Variants in ZNF470 observed in about 807,000 individuals in gnomAD.
ZNF470 encodes the protein chondrogenesis zinc finger protein 1.
A neutral mutation model predicts 13.9 loss-of-function variants in ZNF470; 13 were observed. The observed-to-expected ratio is 0.94, with a 90% CI of 0.61 to 1.49. ZNF470 has a LOEUF of 1.49. Ranked by LOEUF, ZNF470 falls within the 40% of genes most tolerant of loss-of-function variation. The probability of loss-of-function intolerance (pLI) is 0.00; values close to 1 mark genes in which losing one functional copy is unlikely to be tolerated. For synonymous variants in ZNF470, 293 were observed against 282.9 expected, an observed-to-expected ratio of 1.04 and a Z score of -0.36; for missense variants, 929 against 857.3, an observed-to-expected ratio of 1.08 and a Z score of -1.04.
Position 56,576,101 on chromosome 19 carries a change from A to G in ZNF470, c.284-612A>G, listed in dbSNP as rs115997425. 1.5e-3 allele frequency among the ~76,000 whole-genome samples: 232 copies of G among 152,326 alleles called. 1 individual carries two copies. The highest frequency in any genetic ancestry group is 4.6e-3 in the African/African-American group (192 of 41,586). On this transcript the variant is annotated intron_variant, in intron 5 of 5. Transcript: ENST00000330619. ...AATAATTATAAATAACCACACATGC[A>G]TAAGAACTTAAAAGAATCATGTGAA...
Position 56,580,991 on chromosome 19 carries a change from T to A in ZNF470, c.*2408T>A. Reference sequence around the variant, plus strand: ...AGTACATGAAAAACAGAATAATATATATGTACCCTCGGTTTGAAATAGACT... The same window carrying A: ...AGTACATGAAAAACAGAATAATATAAATGTACCCTCGGTTTGAAATAGACT... On this transcript the variant is annotated 3_prime_UTR_variant, in exon 6 of 6. Transcript: ENST00000330619. 8.1e-6 allele frequency: 8 copies of A among 984,840 alleles called. No homozygotes were observed. The highest frequency in any genetic ancestry group is 9.6e-6 in the Non-Finnish European group (8 of 829,442). The allele number at this position is 984,840 out of a possible 1,614,324, so 61.0% of individuals were successfully genotyped here.
Position 56,577,956 on chromosome 19 carries a change from T to C in ZNF470, c.1527T>C (p.Tyr509=), listed in dbSNP as rs1413471016. 1 of 1,613,974 alleles carries C rather than the reference T, an allele frequency of 6.2e-7. No individual in the cohort carries two copies. The highest frequency in any genetic ancestry group is 2.2e-5 in the East Asian group (1 of 44,888). The change falls in exon 6 of 6, where the codon TAT becomes TAC. Residue 509 remains tyrosine (Y), a synonymous_variant. Transcript: ENST00000330619. ...GAATTCATACTGGAGAGAAACCTTA[T>C]GAATGTAAGGAATGCAGCAAAACCT... ...HQRIHTGEKP[Y]ECKECSKTFS...
chr19:56,577,742 C>T lies in ZNF470; in HGVS notation c.1313C>T (p.Ser438Leu), dbSNP rs761964508. 12 of 1,613,576 alleles carry T rather than the reference C, an allele frequency of 7.4e-6. No homozygotes were observed. Among genetic ancestry groups the T allele is most frequent in the Non-Finnish European group, 1.0e-5 (12 of 1,179,644 alleles). ...NVCGKAFSHG[S>L]SLTVHQRIHT... ...TGTGGGAAGGCTTTTAGCCATGGCT[C>T]ATCTCTGACAGTACATCAGAGAATT... The change falls in exon 6 of 6, where the codon TCA becomes TTA. Residue 438 changes from serine to leucine, a missense_variant. Coordinates refer to ENST00000330619, the MANE Select transcript of ZNF470 (RefSeq NM_001001668.4).
chr19:56,578,315 C>G lies in ZNF470; in HGVS notation c.1886C>G (p.Ala629Gly). The change falls in exon 6 of 6, where the codon GCC becomes GGC. Residue 629 changes from alanine to glycine, a missense_variant. By Grantham distance (60) the Ala-to-Gly change is moderately conservative (BLOSUM62 0). Transcript: ENST00000330619. Reference sequence around the variant, plus strand: ...TATGAATGTAATGTTTGTGGGAAAGCCTTTAGCCATCGTAAATCCCTTACT... The same window carrying G: ...TATGAATGTAATGTTTGTGGGAAAGGCTTTAGCCATCGTAAATCCCTTACT... Reference protein sequence around the residue: ...KPYECNVCGKAFSHRKSLTLH... With the variant: ...KPYECNVCGKGFSHRKSLTLH... 1 of 1,613,002 alleles carries G rather than the reference C, an allele frequency of 6.2e-7. No homozygotes were observed. The highest frequency in any genetic ancestry group is 8.5e-7 in the Non-Finnish European group (1 of 1,179,458).
Position 56,581,893 on chromosome 19 carries a change from A to G in ZNF470, c.*3310A>G. On this transcript the variant is annotated 3_prime_UTR_variant, in exon 6 of 6. Transcript: ENST00000330619. ...CAACTCCCTAAAAGCTGATGCAGTT[A>G]TTCTTTTGATTGGTCCTTGGAACCA... The G allele has an allele frequency of 2.0e-6, 2 of 985,386 alleles. No individual in the cohort carries two copies. The highest frequency in any genetic ancestry group is 2.4e-6 in the Non-Finnish European group (2 of 829,920). 61.0% of individuals were successfully genotyped at this position (985,386 alleles called of 1,614,324 possible). A position where few individuals can be genotyped will look rare whatever the true frequency, so the allele number is the denominator to read the frequency against.
intron 5 of ZNF470, among the ~76,000 whole-genome samples, chr19:56,576,235 TA>T (rs1272646043): frequency 1.3e-5 from 2 of 152,118 alleles, no homozygotes; most frequent in Non-Finnish European, 2.9e-5. Flanking sequence ...ATACAACATT[TA>T]AACAAGTAAG....
chr19:56,568,978 G>A (rs761809301), intron 2 of ZNF470, 95 bp downstream of exon 2: 2 of 152,180 alleles, frequency 1.3e-5, no homozygotes, highest in South Asian at 2.1e-4. Context: ...CACTGAGCAG[G>A]TTTGGGGTTT....
intron 5 of ZNF470, among the ~76,000 whole-genome samples, chr19:56,576,067 C>CA (rs1365418269): frequency 6.6e-6 from 1 of 151,714 alleles, no homozygotes; most frequent in Non-Finnish European, 1.5e-5. Flanking sequence ...AGAGAAAACA[C>CA]AAAAACAAAA....
chr19:56,572,014 T>C (rs982676604), intron 3 of ZNF470, among the ~76,000 whole-genome samples: 3 of 151,942 alleles, frequency 2.0e-5, no homozygotes, highest in Non-Finnish European at 4.4e-5. Context: ...CCAAGGTAAC[T>C]TGTTTCTTAG....
chr19:56,569,849 G>T (rs185812760), intron 2 of ZNF470, among the ~76,000 whole-genome samples: 341 of 152,132 alleles, frequency 2.2e-3, no homozygotes, highest in Non-Finnish European at 3.6e-3. Context: ...AACTAGCTGG[G>T]CATGGTGGCA....
rs775542377 is a variant in ZNF470, at chr19:56,577,156, C to A, written c.727C>A (p.Leu243Ile). ...CEKIFSKIST[L>I]TLHQRIHTGE... ...GAAAATATTCAGCAAAATCTCAACC[C>A]TTACTCTTCACCAAAGAATTCATAC... The change falls in exon 6 of 6, where the codon CTT becomes ATT. Residue 243 changes from leucine to isoleucine, a missense_variant. Physicochemically the swap from Leu to Ile is conservative, Grantham distance 5. Coordinates refer to ENST00000330619, the MANE Select transcript of ZNF470 (RefSeq NM_001001668.4). 6.5e-5 allele frequency: 105 copies of A among 1,613,336 alleles called. No homozygotes were observed. The highest frequency in any genetic ancestry group is 8.3e-5 in the Non-Finnish European group (98 of 1,179,850).
At position 56,577,065 on chromosome 19, in the gene ZNF470, T is replaced by G; in HGVS notation, c.636T>G (p.His212Gln). The change falls in exon 6 of 6, where the codon CAT (histidine) becomes CAG (glutamine). Residue 212 changes from histidine (H) to glutamine (Q), a missense_variant. Coordinates refer to ENST00000330619, the MANE Select transcript of ZNF470 (RefSeq NM_001001668.4). ...FHTDKKSLKT[H>Q]SVVKKHKQDR... ...CAGATAAGAAAAGCTTAAAAACACA[T>G]TCAGTTGTGAAAAAACACAAGCAAG... 6.3e-7 allele frequency: 1 copy of G among 1,593,020 alleles called. No individual in the cohort carries two copies. Among genetic ancestry groups the G allele is most frequent in the Non-Finnish European group, 8.5e-7 (1 of 1,173,934 alleles).
In ZNF470 at chr19:56,580,107, AAG is replaced by A; in HGVS notation, c.*1526_*1527del. 2 of 974,370 alleles carry A rather than the reference AAG, an allele frequency of 2.1e-6. No homozygotes were observed. The highest frequency in any genetic ancestry group is 2.4e-6 in the Non-Finnish European group (2 of 819,904). The allele number at this position is 974,370 out of a possible 1,614,324, so 60.4% of individuals were successfully genotyped here. A position where few individuals can be genotyped will look rare whatever the true frequency, so the allele number is the denominator to read the frequency against. ...TCCCATAAAGAGAAATGATATAAAA[AAG>A]AAGCTAGGGAGTGCTGGATCAGGCA... On this transcript the variant is annotated 3_prime_UTR_variant, in exon 6 of 6. Coordinates refer to ENST00000330619, the MANE Select transcript of ZNF470 (RefSeq NM_001001668.4).
In ZNF470 at chr19:56,567,614, G is replaced by A. The variant is rs1037559480; in HGVS notation, c.-583G>A. 284 of 988,270 alleles carry A rather than the reference G, an allele frequency of 2.9e-4. No homozygotes were observed. The highest frequency in any genetic ancestry group is 3.4e-4 in the Non-Finnish European group (283 of 832,460). The allele number at this position is 988,270 out of a possible 1,614,324, so 61.2% of individuals were successfully genotyped here. A position where few individuals can be genotyped will look rare whatever the true frequency, so the allele number is the denominator to read the frequency against. On this transcript the variant is annotated 5_prime_UTR_variant, in exon 1 of 6. The change creates a new upstream start codon in the 5' untranslated region. Coordinates refer to ENST00000330619, the MANE Select transcript of ZNF470 (RefSeq NM_001001668.4). ...TCCTGTGTGGGCGGCGGGCGTGAGC[G>A]TGCGCGTGTGGCCTGGTGGCTGTGA...
chr19:56,578,934 C>T lies in ZNF470; in HGVS notation c.*351C>T. On this transcript the variant is annotated 3_prime_UTR_variant, in exon 6 of 6. Transcript: ENST00000330619. Reference sequence around the variant, plus strand: ...CATATTAAGCAGCAAGTAAACCAAACAGTAAGTCTAAGACTAAGATTTTAG... The same window carrying T: ...CATATTAAGCAGCAAGTAAACCAAATAGTAAGTCTAAGACTAAGATTTTAG... The T allele has an allele frequency of 2.0e-6, 2 of 1,013,784 alleles. No homozygotes were observed. Among genetic ancestry groups the T allele is most frequent in the Non-Finnish European group, 2.4e-6 (2 of 848,922 alleles). The allele number at this position is 1,013,784 out of a possible 1,614,324, so 62.8% of individuals were successfully genotyped here.
In ZNF470 at chr19:56,578,158, G is replaced by A. The variant is rs776142738; in HGVS notation, c.1729G>A (p.Gly577Ser). The change falls in exon 6 of 6, where the codon GGC becomes AGC. Residue 577 changes from glycine (G) to serine (S), a missense_variant. Coordinates refer to ENST00000330619, the MANE Select transcript of ZNF470 (RefSeq NM_001001668.4). ...TGAATGTGGGAAGGCCTTTAGTGAT[G>A]GCTCATATCTTGTTCAACATCAGAG... ...CIECGKAFSD[G>S]SYLVQHQRLH... 1.5e-5 allele frequency: 25 copies of A among 1,613,744 alleles called. No homozygotes were observed. The highest frequency in any genetic ancestry group is 8.3e-5 in the Admixed American group (5 of 59,956).
Position 56,582,278 on chromosome 19 carries a change from A to G in ZNF470, c.*3695A>G. 1 of 985,378 alleles carries G rather than the reference A, an allele frequency of 1.0e-6. No individual in the cohort carries two copies. Among genetic ancestry groups the G allele is most frequent in the Non-Finnish European group, 1.2e-6 (1 of 829,922 alleles). 61.0% of individuals were successfully genotyped at this position (985,378 alleles called of 1,614,324 possible). On this transcript the variant is annotated 3_prime_UTR_variant, in exon 6 of 6. Transcript: ENST00000330619. ...ATGCTGAATCCAAAAGGTATATGTA[A>G]TACTGGTATCTAACTGCTTGGAATA...
Position 56,578,900 on chromosome 19 carries a change from A to C in ZNF470, c.*317A>C. 1 of 1,056,102 alleles carries C rather than the reference A, an allele frequency of 9.5e-7. No homozygotes were observed. The highest frequency in any genetic ancestry group is 1.1e-6 in the Non-Finnish European group (1 of 876,282). The allele number at this position is 1,056,102 out of a possible 1,614,324, so 65.4% of individuals were successfully genotyped here. A position where few individuals can be genotyped will look rare whatever the true frequency, so the allele number is the denominator to read the frequency against. ...TAGCCATTAAGGTAAAGGTTTCCTT[A>C]CAAACTATCATATTAAGCAGCAAGT... On this transcript the variant is annotated 3_prime_UTR_variant, in exon 6 of 6. Transcript: ENST00000330619.
Position 56,578,151 on chromosome 19 carries a change from T to C in ZNF470, c.1722T>C (p.Phe574=), listed in dbSNP as rs1196723671. 1 of 1,613,982 alleles carries C rather than the reference T, an allele frequency of 6.2e-7. No homozygotes were observed. The highest frequency in any genetic ancestry group is 2.2e-5 in the East Asian group (1 of 44,860). The change falls in exon 6 of 6, where the codon TTT becomes TTC. Residue 574 remains phenylalanine, a synonymous_variant. Coordinates refer to ENST00000330619, the MANE Select transcript of ZNF470 (RefSeq NM_001001668.4). ...PYECIECGKA[F]SDGSYLVQHQ... The stretch of plus-strand genomic sequence containing the variant: ...AATGTATTGAATGTGGGAAGGCCTT[T>C]AGTGATGGCTCATATCTTGTTCAAC...
Sources: gnomAD v4.1 joint callset for allele counts (sites outside exome capture counted in the v4.1 genomes callset) on GRCh38, gnomAD v4.1.1 for gene constraint, MANE v1.5 for transcripts, NCBI Gene and HGNC (gene_info 2026-07-23, HGNC 2026-07-21) for gene names.